PKD1L1: variants seen among roughly 807,000 people sequenced by gnomAD.
The protein encoded by PKD1L1 is polycystin-1-like protein 1.
In PKD1L1, 236 loss-of-function variants were observed where a neutral mutation model predicts 323.4. That is an observed-to-expected ratio of 0.73 (90% CI 0.66 to 0.81). PKD1L1 has a LOEUF of 0.81. Ranked by LOEUF, PKD1L1 falls within the 40% of genes least tolerant of loss-of-function variation. The pLI is 0.00. For missense variants in PKD1L1, 3,320 were observed against 3,508.0 expected (o/e 0.95, Z 1.35); for synonymous variants, 1,344 against 1,335.0 (o/e 1.01, Z -0.15).
intron 7 of PKD1L1, among the ~76,000 whole-genome samples, chr7:47,922,719 C>T (rs539942975): frequency 1.2e-4 from 16 of 136,266 alleles, no homozygotes; most frequent in African/African-American, 2.6e-4. Context: ...GCCCGGCAGC[C>T]GCCCCGTCCG....
upstream of PKD1L1, among the ~76,000 whole-genome samples, chr7:47,949,815 C>T (rs962293215): frequency 4.6e-5 from 7 of 152,126 alleles, no homozygotes; most frequent in African/African-American, 7.2e-5. Flanking sequence ...AACCAAGCTA[C>T]GGGTGTCCGG....
At chr7:47,875,619 G>A (rs1260185851) in intron 23 of PKD1L1, among the ~76,000 whole-genome samples, 1 of 152,180 alleles carries the variant, frequency 6.6e-6, no homozygotes, top group Admixed American at 6.5e-5. Context: ...CACAACCTCA[G>A]GAACAGGGTC....
At chr7:47,945,753 T>G (rs749115627) in intron 1 of PKD1L1, among the ~76,000 whole-genome samples, 1 of 152,198 alleles carries the variant, frequency 6.6e-6, no homozygotes, top group South Asian at 2.1e-4. Flanking sequence ...TGCCCACCAC[T>G]CTGGGCCCAC....
intron 52 of PKD1L1, among the ~76,000 whole-genome samples, 175 bp from the exon 53 acceptor site, chr7:47,803,519 C>T (rs1230926881): frequency 1.3e-5 from 2 of 152,186 alleles, no homozygotes; most frequent in African/African-American, 4.8e-5. Context: ...TGAGTTGGAA[C>T]TAGGGGTAAA....
At chr7:47,903,626 T>C (rs978218741) in intron 12 of PKD1L1, among the ~76,000 whole-genome samples, 2 of 152,194 alleles carry the variant, frequency 1.3e-5, no homozygotes, top group African/African-American at 4.8e-5. Flanking sequence ...TGGAGGAAGT[T>C]TGCAATCTTT....
At chr7:47,832,955 T>C (rs752709981) in intron 41 of PKD1L1, 135 bp downstream of exon 41, 87 of 1,213,022 alleles carry the variant, frequency 7.2e-5, no homozygotes, top group Non-Finnish European at 8.9e-5. Context: ...GGTGGGCCCA[T>C]GCCTGGTTTT....
At chr7:47,906,173 T>A (rs2128751260) in intron 9 of PKD1L1, among the ~76,000 whole-genome samples, 1 of 152,358 alleles carries the variant, frequency 6.6e-6, no homozygotes, top group Non-Finnish European at 1.5e-5. Context: ...TCTTTGTATA[T>A]TTTCTCTAAA....
chr7:47,823,617 G>C (rs1190729079), intron 45 of PKD1L1, among the ~76,000 whole-genome samples: 1 of 152,092 alleles, frequency 6.6e-6, no homozygotes, highest in African/African-American at 2.4e-5. Flanking sequence ...TTTCCCACGA[G>C]GAAACACATA....
At chr7:47,790,135 C>T (rs1335619414) in intron 56 of PKD1L1, among the ~76,000 whole-genome samples, 2 of 151,962 alleles carry the variant, frequency 1.3e-5, no homozygotes, top group Admixed American at 6.6e-5. Flanking sequence ...GTGATCCGCC[C>T]ACCTAGGCCT....
At chr7:47,958,366 G>A in the PKD1L1 span, among the ~76,000 whole-genome samples, 2 of 152,292 alleles carry the variant, frequency 1.3e-5, no homozygotes, top group African/African-American at 4.8e-5. Context: ...AATAAACGAT[G>A]CTGGGAAAAC....
chr7:47,899,470 C>CT lies in PKD1L1; in HGVS notation c.2065-1277dup, dbSNP rs1471788871. Among the ~76,000 whole-genome samples the CT allele has an allele frequency of 2.6e-5, 4 of 152,262 alleles. No individual in the cohort carries two copies. The East Asian group carries it at 7.8e-4, about 30-fold the overall frequency. ...ACACCCCTTACTCCTCCCAGCCACT[C>CT]TGTCTTTCTGAAGCCCCTCCACACC... On this transcript the variant is annotated intron_variant, in intron 13 of 56. Coordinates refer to ENST00000289672, the MANE Select transcript of PKD1L1 (RefSeq NM_138295.5).
intron 56 of PKD1L1, among the ~76,000 whole-genome samples, chr7:47,778,691 G>C (rs1562926210): frequency 6.6e-6 from 1 of 152,180 alleles, no homozygotes; most frequent in Non-Finnish European, 1.5e-5. Context: ...GGAGACTTAT[G>C]ATTTTAAAAG....
At chr7:47,852,558 GC>G (rs1030733206) in intron 31 of PKD1L1, among the ~76,000 whole-genome samples, 2 of 152,192 alleles carry the variant, frequency 1.3e-5, no homozygotes, top group African/African-American at 4.8e-5. Flanking sequence ...GCCTGTGGGT[GC>G]CACTTCAGCC....
intron 26 of PKD1L1, among the ~76,000 whole-genome samples, chr7:47,864,576 T>TTTTCTTTCTTTCTTTCTTTCTTTCTTTC (rs199500886): frequency 7.4e-5 from 8 of 107,626 alleles, no homozygotes; most frequent in East Asian, 3.0e-4. Context: ...TTTTTCTTTC[T>TTTTCTTTCTTTCTTTCTTTCTTTCTTTC]TTTCTTTCTT....
intron 34 of PKD1L1, among the ~76,000 whole-genome samples, chr7:47,841,576 T>C (rs557978185): frequency 4.6e-5 from 7 of 152,228 alleles, no homozygotes; most frequent in Non-Finnish European, 1.0e-4. Context: ...TAGGTTTTCA[T>C]TTGTAAAGGG....
intron 3 of PKD1L1, among the ~76,000 whole-genome samples, chr7:47,938,663 C>T (rs1346565105): frequency 6.6e-6 from 1 of 152,192 alleles, no homozygotes; most frequent in Non-Finnish European, 1.5e-5. Flanking sequence ...ATGGGTCTCC[C>T]AGTCAACCAA....
At chr7:47,795,964 A>G (rs1784516711) in intron 55 of PKD1L1, 25 bp downstream of exon 55, 1 of 1,603,032 alleles carries the variant, frequency 6.2e-7, no homozygotes, top group African/African-American at 1.3e-5. Context: ...TATCATGCTC[A>G]GTAATCCAAG....
intron 47 of PKD1L1, among the ~76,000 whole-genome samples, chr7:47,814,278 CT>C (rs1784968316): frequency 6.6e-6 from 1 of 152,198 alleles, no homozygotes; most frequent in Non-Finnish European, 1.5e-5. Context: ...TCTCTTTTAT[CT>C]TTTTTGAAAG....
intron 26 of PKD1L1, among the ~76,000 whole-genome samples, chr7:47,859,625 A>C (rs1206091470): frequency 1.8e-5 from 2 of 109,632 alleles, no homozygotes; most frequent in Non-Finnish European, 3.8e-5. Flanking sequence ...CTAAAGACAT[A>C]CATTTTTTTT....
Sources: allele counts gnomAD v4.1 joint callset (sites outside exome capture counted in the v4.1 genomes callset), GRCh38; gene constraint gnomAD v4.1.1; transcripts MANE v1.5; gene names NCBI Gene and HGNC (gene_info 2026-07-23, HGNC 2026-07-21).